LIMK2: variants seen among roughly 807,000 people sequenced by gnomAD.
LIMK2 encodes the protein LIM domain kinase 2.
Under a neutral mutation model 75.7 loss-of-function variants are expected in LIMK2, and 35 were observed. The observed-to-expected ratio is 0.46, with a 90% confidence interval of 0.35 to 0.61. The LOEUF (loss-of-function observed/expected upper bound fraction) is 0.61. Ranked by LOEUF, LIMK2 falls within the 20% of genes least tolerant of loss-of-function variation. The pLI, the probability that LIMK2 is intolerant of heterozygous loss-of-function variation, is 0.00. For synonymous variants in LIMK2, 301 were observed against 319.2 expected, an observed-to-expected ratio of 0.94 and a Z score of 0.61; for missense variants, 623 against 831.0, an observed-to-expected ratio of 0.75 and a Z score of 3.08.
intron 12 of LIMK2, among the ~76,000 whole-genome samples, chr22:31,271,981 C>G (rs1278650706): frequency 6.6e-6 from 1 of 152,242 alleles, no homozygotes; most frequent in African/African-American, 2.4e-5. Context: ...TGCCATGAAC[C>G]CACTGTGGGC....
At chr22:31,246,179 G>GCACACACACACACACACACACACACA (rs1341395963) in intron 2 of LIMK2, among the ~76,000 whole-genome samples, 144 of 69,796 alleles carry the variant, frequency 2.1e-3, no homozygotes, top group Non-Finnish European at 3.4e-3. Flanking sequence ...ACACACGCAC[G>GCACACACACACACACACACACACACA]CACGCACACA....
intron 1 of LIMK2, among the ~76,000 whole-genome samples, chr22:31,214,272 A>G (rs945356271): frequency 2.0e-5 from 3 of 152,202 alleles, no homozygotes; most frequent in Non-Finnish European, 4.4e-5. Context: ...CATTCAAAGA[A>G]TATTTGTTGG....
At chr22:31,215,889 G>A (rs1452277783) in intron 1 of LIMK2, among the ~76,000 whole-genome samples, 4 of 152,100 alleles carry the variant, frequency 2.6e-5, no homozygotes, top group African/African-American at 9.7e-5. Context: ...AGATGAGGGA[G>A]AATTCTCTTC....
chr22:31,219,641 G>A (rs778796936), intron 1 of LIMK2, among the ~76,000 whole-genome samples: 11 of 151,800 alleles, frequency 7.2e-5, no homozygotes, highest in Non-Finnish European at 1.3e-4. Flanking sequence ...GCACGATCTC[G>A]GCTCACTGCA....
intron 2 of LIMK2, chr22:31,248,529 G>C: frequency 1.9e-6 from 3 of 1,583,840 alleles, no homozygotes; most frequent in Non-Finnish European, 2.6e-6. Context: ...GGAATCTGCT[G>C]GGGGCCAAGT....
At chr22:31,272,883 G>A in intron 13 of LIMK2, 179 bp downstream of exon 13, 1 of 1,395,598 alleles carries the variant, frequency 7.2e-7, no homozygotes, top group Non-Finnish European at 9.3e-7. Flanking sequence ...TCAGGGGGCT[G>A]GGAACTGATC....
At chr22:31,256,389 G>A (rs776438796) in intron 2 of LIMK2, among the ~76,000 whole-genome samples, 7 of 151,284 alleles carry the variant, frequency 4.6e-5, no homozygotes, top group Admixed American at 1.3e-4. Flanking sequence ...CACCCAGGCT[G>A]GAGTGCAGTG....
chr22:31,225,896 GA>G (rs1269852320), intron 2 of LIMK2, 77 bp downstream of exon 2: 5 of 1,071,236 alleles, frequency 4.7e-6, no homozygotes, highest in Non-Finnish European at 7.1e-6. Flanking sequence ...GGAAAACACA[GA>G]AACAAGCTTC....
chr22:31,262,237 G>A lies in LIMK2; in HGVS notation c.655G>A (p.Glu219Lys), dbSNP rs760029773. 6 of 1,606,326 alleles carry A rather than the reference G, an allele frequency of 3.7e-6. No individual in the cohort carries two copies. The highest frequency in any genetic ancestry group is 1.1e-5 in the South Asian group (1 of 90,896). The change falls in exon 6 of 16, where the codon GAG (glutamate) becomes AAG (lysine). Residue 219 changes from glutamate (E) to lysine (K), a missense_variant and splice_region_variant. Around this residue, in one of 3 missense-constraint regions of LIMK2, gnomAD observed 514 missense variants for 661.3 expected, o/e 0.78. Transcript: ENST00000331728. This position sits in a 1 kb window ranked among gnomAD's most constrained non-coding sequence, Gnocchi z 5.0. ...GTPVRTLRVE[E>K]VEDAISQTSQ... The stretch of plus-strand genomic sequence containing the variant: ...CCCCGTCCGCACACTTCGAGTGGAG[G>A]AGGTAGAGTGTGTGTCTAATCTGTC...
intron 2 of LIMK2, among the ~76,000 whole-genome samples, chr22:31,229,646 TCTC>T (rs1295678171): frequency 6.6e-6 from 1 of 152,136 alleles, no homozygotes; most frequent in African/African-American, 2.4e-5. Flanking sequence ...TGACTTTTCT[TCTC>T]CCCTTCCCCC....
chr22:31,257,645 G>T (rs1484798307), intron 2 of LIMK2, among the ~76,000 whole-genome samples: 2 of 152,112 alleles, frequency 1.3e-5, no homozygotes, highest in Admixed American at 1.3e-4. Flanking sequence ...TTGAGGCATT[G>T]TATTTGGTTG....
chr22:31,263,686 AT>A lies in LIMK2; in HGVS notation c.854+896del, dbSNP rs200186148. Among the ~76,000 whole-genome samples the A allele has an allele frequency of 4.0e-3, 601 of 150,782 alleles. 1 individual carries two copies. Among genetic ancestry groups the A allele is most frequent in the African/African-American group, 0.013 (549 of 40,880 alleles). On this transcript the variant is annotated intron_variant, in intron 7 of 15. Coordinates refer to ENST00000331728, the MANE Select transcript of LIMK2 (RefSeq NM_005569.4). ...GAGACACTGTCTCTACAAAAAAAAA[AT>A]AATAATAATAATTGTTTTTAATTAG...
intron 15 of LIMK2, chr22:31,276,928 C>T: frequency 2.5e-6 from 4 of 1,613,634 alleles, no homozygotes; most frequent in Non-Finnish European, 2.5e-6. Flanking sequence ...GATCCTGGAG[C>T]AGCTCACGCG....
intron 2 of LIMK2, chr22:31,248,492 G>A: frequency 6.5e-7 from 1 of 1,533,736 alleles, no homozygotes; most frequent in South Asian, 1.2e-5. Flanking sequence ...AACTAGGGAG[G>A]AGCCATCCCA....
chr22:31,258,701 G>A, intron 3 of LIMK2: 1 of 451,544 alleles, frequency 2.2e-6, no homozygotes. Context: ...TCCAAGGAGA[G>A]TGTTACAGGC....
Position 31,262,148 on chromosome 22 carries a change from A to C in LIMK2, c.566A>C (p.His189Pro). 6.2e-7 allele frequency: 1 copy of C among 1,614,154 alleles called. No homozygotes were observed. Among genetic ancestry groups the C allele is most frequent in the Non-Finnish European group, 8.5e-7 (1 of 1,179,942 alleles). Residue 189 changes from histidine (H) to proline (P), a missense_variant, in exon 6 of 16, where the codon CAC becomes CCC. Physicochemically the swap from His to Pro is moderately conservative, Grantham distance 77. Around this residue, in one of 3 missense-constraint regions of LIMK2, gnomAD observed 514 missense variants for 661.3 expected, o/e 0.78. Coordinates refer to ENST00000331728, the MANE Select transcript of LIMK2 (RefSeq NM_005569.4). This position sits in a 1 kb window ranked among gnomAD's most constrained non-coding sequence, Gnocchi z 5.0. ...GTCTGGCCCAGGGTCAACCGGATGC[A>C]CATCAGTCCCAACAATCGAAACGCC... ...TVQVKEVNRM[H>P]ISPNNRNAIH...
At chr22:31,230,975 A>C (rs1350913625) in intron 2 of LIMK2, among the ~76,000 whole-genome samples, 1 of 152,198 alleles carries the variant, frequency 6.6e-6, no homozygotes, top group Non-Finnish European at 1.5e-5. Context: ...AATCCTTACA[A>C]TGACTTAATA....
At chr22:31,247,918 G>T (rs1320902101) in intron 2 of LIMK2, among the ~76,000 whole-genome samples, 1 of 152,136 alleles carries the variant, frequency 6.6e-6, no homozygotes, top group Non-Finnish European at 1.5e-5. Flanking sequence ...CAGAGGGAGG[G>T]AATGAATGGG....
intron 13 of LIMK2, 50 bp downstream of exon 13, chr22:31,272,754 T>C: frequency 2.0e-6 from 3 of 1,529,064 alleles, no homozygotes; most frequent in Non-Finnish European, 2.6e-6. Context: ...GGACAGATGC[T>C]GCCCTTGCAT....
Sources: gnomAD v4.1 joint callset for allele counts (sites outside exome capture counted in the v4.1 genomes callset) on GRCh38, gnomAD v4.1.1 for gene constraint, gnomAD v4.1.1 regional missense constraint, Gnocchi (gnomAD v3.1) non-coding constraint, MANE v1.5 for transcripts, NCBI Gene and HGNC (gene_info 2026-07-23, HGNC 2026-07-21) for gene names.